Variants in LSAMP observed in about 807,000 individuals in gnomAD.
The protein encoded by LSAMP is limbic system-associated membrane protein.
In LSAMP, 7 loss-of-function variants were observed where a neutral mutation model predicts 38.6. The ratio of observed to expected loss-of-function variants is 0.18; its 90% CI spans 0.10 to 0.34. LSAMP has a LOEUF of 0.34. Ranked by LOEUF, LSAMP falls within the 10% of genes least tolerant of loss-of-function variation. LSAMP has a pLI of 1.00. For synonymous variants in LSAMP, 154 were observed against 166.8 expected, an observed-to-expected ratio of 0.92 and a Z score of 0.59; for missense variants, 313 against 420.0, an observed-to-expected ratio of 0.75 and a Z score of 2.23.
chr3:116,187,250 G>A (rs1559775280), intron 1 of LSAMP, among the ~76,000 whole-genome samples: 1 of 152,174 alleles, frequency 6.6e-6, no homozygotes, highest in Admixed American at 6.5e-5. Context: ...CTGGCTCAAG[G>A]GGAAACCAAA....
intron 1 of LSAMP, among the ~76,000 whole-genome samples, chr3:116,442,694 G>T (rs1480323253): frequency 6.6e-6 from 1 of 152,202 alleles, no homozygotes; most frequent in Non-Finnish European, 1.5e-5. Context: ...GTCTGGAAAA[G>T]AAATGGTGTT....
chr3:116,424,576 T>C (rs2049170067), intron 1 of LSAMP, among the ~76,000 whole-genome samples: 1 of 152,150 alleles, frequency 6.6e-6, no homozygotes, highest in South Asian at 2.1e-4. Context: ...TCCAGATAGA[T>C]ATGAGGCAGA....
chr3:116,275,151 C>T (rs2047031879), intron 1 of LSAMP, among the ~76,000 whole-genome samples: 2 of 152,122 alleles, frequency 1.3e-5, no homozygotes, highest in East Asian at 1.9e-4. Flanking sequence ...TTCACACACA[C>T]AAGTGATTCT....
intron 1 of LSAMP, among the ~76,000 whole-genome samples, chr3:116,216,644 A>C (rs1333717888): frequency 1.3e-5 from 2 of 152,206 alleles, no homozygotes; most frequent in Admixed American, 6.5e-5. Flanking sequence ...AGGAAAAAAA[A>C]CTAGCAGGCA....
At position 116,204,260 on chromosome 3, in the gene LSAMP, C is replaced by G. The variant is rs528822986; in HGVS notation, c.156-117704G>C. Among the ~76,000 whole-genome samples, 5 of 149,938 alleles carry G rather than the reference C, an allele frequency of 3.3e-5. No homozygotes were observed. The South Asian group carries it at 1.1e-3, about 32-fold the overall frequency. On this transcript the variant is annotated intron_variant, in intron 1 of 6. Transcript: ENST00000490035. ...TTTTGATGGGGTTGTTTGTTTTTTT[C>G]TTGTAAATTTGTTTGAGTTCATTGT... is the stretch of plus-strand genomic sequence containing the variant.
At chr3:116,064,042 G>A (rs1193994047) in intron 2 of LSAMP, among the ~76,000 whole-genome samples, 1 of 152,178 alleles carries the variant, frequency 6.6e-6, no homozygotes, top group Non-Finnish European at 1.5e-5. Context: ...TCCCCTTTTA[G>A]GGGTTTGGTC....
At chr3:116,228,949 A>G (rs796590593) in intron 1 of LSAMP, among the ~76,000 whole-genome samples, 1 of 152,132 alleles carries the variant, frequency 6.6e-6, no homozygotes, top group African/African-American at 2.4e-5. Context: ...ACATTTCTCT[A>G]GGGATCAGTG....
chr3:115,895,566 G>T (rs1936708218), intron 3 of LSAMP, among the ~76,000 whole-genome samples: 1 of 152,056 alleles, frequency 6.6e-6, no homozygotes, highest in African/African-American at 2.4e-5. Flanking sequence ...AGACCCCTTT[G>T]CTGGAAGTGC....
chr3:115,960,607 C>T (rs1472499954), intron 3 of LSAMP, among the ~76,000 whole-genome samples: 2 of 152,138 alleles, frequency 1.3e-5, no homozygotes, highest in Non-Finnish European at 2.9e-5. Flanking sequence ...TGATGCTCCC[C>T]ACCACTGCTA....
In LSAMP at chr3:115,920,675, G is replaced by C. The variant is rs2107522710; in HGVS notation, c.515-68058C>G. On this transcript the variant is annotated intron_variant, in intron 3 of 6. Transcript: ENST00000490035. ...AAGAATGTGTATTCTGTTGCTGTTG[G>C]GTGGGGTATTCTGTATATGTCTGTT... 1.3e-5 allele frequency among the ~76,000 whole-genome samples: 2 copies of C among 152,140 alleles called. 1 individual carries two copies. The highest frequency in any genetic ancestry group is 4.2e-4 in the South Asian group (2 of 4,816).
At chr3:116,312,895 T>G (rs921391310) in intron 1 of LSAMP, among the ~76,000 whole-genome samples, 4 of 152,182 alleles carry the variant, frequency 2.6e-5, no homozygotes, top group Non-Finnish European at 5.9e-5. Context: ...CATATCTTAC[T>G]CACAAAATGC....
chr3:116,060,747 T>G (rs1941579842), intron 2 of LSAMP, among the ~76,000 whole-genome samples: 1 of 151,544 alleles, frequency 6.6e-6, no homozygotes, highest in Non-Finnish European at 1.5e-5. Context: ...GCAACAAGAG[T>G]GAAACTCCAT....
chr3:116,222,720 CTTTTTTTTTTTTTTTTTTTT>C lies in LSAMP; in HGVS notation c.156-136184_156-136165del, dbSNP rs71141863. Among the ~76,000 whole-genome samples the C allele has an allele frequency of 6.8e-3, 342 of 49,942 alleles. 2 individuals are homozygous for C. The highest frequency in any genetic ancestry group is 0.038 in the South Asian group (40 of 1,040). The allele number at this position is 49,942 out of a possible 152,430, so 32.8% of individuals were successfully genotyped here. A position where few individuals can be genotyped will look rare whatever the true frequency, so the allele number is the denominator to read the frequency against. ...TTTTTTGCTCACCTTTCATCCTCTC[CTTTTTTTTTTTTTTTTTTTT>C]TTTTTTTTTTTTTTTTGAGATGGAG... On this transcript the variant is annotated intron_variant, in intron 1 of 6. Coordinates refer to ENST00000490035, the MANE Select transcript of LSAMP (RefSeq NM_002338.5).
chr3:116,208,694 C>T (rs1420032973), intron 1 of LSAMP, among the ~76,000 whole-genome samples: 1 of 152,004 alleles, frequency 6.6e-6, no homozygotes, highest in Non-Finnish European at 1.5e-5. Flanking sequence ...CTGGGGGGTG[C>T]CTCCCAGTTA....
At chr3:116,276,594 A>C (rs1294471117) in intron 1 of LSAMP, among the ~76,000 whole-genome samples, 3 of 151,736 alleles carry the variant, frequency 2.0e-5, no homozygotes, top group Admixed American at 6.6e-5. Context: ...GGGGTGATGG[A>C]TGCACCAAAA....
intron 1 of LSAMP, among the ~76,000 whole-genome samples, chr3:116,298,440 T>G (rs2047365391): frequency 6.6e-6 from 1 of 151,330 alleles, no homozygotes; most frequent in South Asian, 2.1e-4. Context: ...AAAAAAAAAC[T>G]GGGAGTTAGG....
At chr3:116,245,437 C>T (rs552124052) in intron 1 of LSAMP, among the ~76,000 whole-genome samples, 1 of 152,150 alleles carries the variant, frequency 6.6e-6, no homozygotes, top group Non-Finnish European at 1.5e-5. Flanking sequence ...TTCTTATTGC[C>T]CAAGGAGTGA....
Position 116,063,160 on chromosome 3 carries a change from T to A in LSAMP, c.388+23164A>T, listed in dbSNP as rs565900076. On this transcript the variant is annotated intron_variant, in intron 2 of 6. Transcript: ENST00000490035. The stretch of plus-strand genomic sequence containing the variant: ...GATTCAGGGAGAGTAAATTTTCTTA[T>A]CTAATTTAATTTGAAGACCAAATCT... Among the ~76,000 whole-genome samples, 9 of 152,260 alleles carry A rather than the reference T, an allele frequency of 5.9e-5. No homozygotes were observed. The East Asian group carries it at 1.7e-3, about 29-fold the overall frequency.
chr3:116,156,109 C>T (rs1001687096), intron 1 of LSAMP, among the ~76,000 whole-genome samples: 1 of 152,128 alleles, frequency 6.6e-6, no homozygotes, highest in African/African-American at 2.4e-5. Flanking sequence ...ATTTAGGACA[C>T]TGGTGAAAAT....
Sources: gnomAD v4.1 joint callset for allele counts (sites outside exome capture counted in the v4.1 genomes callset) on GRCh38, gnomAD v4.1.1 for gene constraint, MANE v1.5 for transcripts, NCBI Gene and HGNC (gene_info 2026-07-23, HGNC 2026-07-21) for gene names.